KIAA0825: variants seen among roughly 807,000 people sequenced by gnomAD.
KIAA0825 encodes KIAA0825.
In KIAA0825, 119 loss-of-function variants were observed where a neutral mutation model predicts 147.6. The observed-to-expected ratio is 0.81, with a 90% CI of 0.69 to 0.94. The LOEUF (loss-of-function observed/expected upper bound fraction) is 0.94. KIAA0825 is among the 40% of genes least tolerant of loss of function. The pLI is 0.00. For missense variants in KIAA0825, 1,381 were observed against 1,472.7 expected (o/e 0.94, Z 1.02); for synonymous variants, 470 against 518.1 (o/e 0.91, Z 1.26).
intron 13 of KIAA0825, among the ~76,000 whole-genome samples, chr5:94,443,310 T>G (rs1040327733): frequency 2.0e-5 from 3 of 150,836 alleles, no homozygotes; most frequent in Non-Finnish European, 4.4e-5. Context: ...AGATTAGCCT[T>G]ACAAAAAATG....
intron 20 of KIAA0825, 66 bp downstream of exon 20, chr5:94,384,302 C>T: frequency 9.0e-6 from 9 of 994,642 alleles, no homozygotes; most frequent in Admixed American, 2.3e-5. Flanking sequence ...TACGTGTATA[C>T]ACACACACAC....
At chr5:94,363,986 C>T (rs1745441767) in intron 20 of KIAA0825, among the ~76,000 whole-genome samples, 1 of 151,860 alleles carries the variant, frequency 6.6e-6, no homozygotes, top group Non-Finnish European at 1.5e-5. Flanking sequence ...TTTAGACTGA[C>T]AGCCAAAAGC....
chr5:94,455,038 C>T (rs566704742), intron 12 of KIAA0825, among the ~76,000 whole-genome samples: 28 of 152,150 alleles, frequency 1.8e-4, no homozygotes, highest in African/African-American at 6.0e-4. Flanking sequence ...AAGGGGGCTG[C>T]GGACATCCGA....
At chr5:94,208,123 T>C (rs1399615045) in intron 20 of KIAA0825, among the ~76,000 whole-genome samples, 2 of 152,226 alleles carry the variant, frequency 1.3e-5, no homozygotes, top group Non-Finnish European at 2.9e-5. Context: ...ACTGAAGACT[T>C]AGAATATCAA....
intron 15 of KIAA0825, among the ~76,000 whole-genome samples, chr5:94,409,720 A>G (rs181540402): frequency 5.3e-5 from 8 of 152,342 alleles, no homozygotes; most frequent in Non-Finnish European, 8.8e-5. Context: ...ATGTCATTGT[A>G]TATCTGACAT....
In KIAA0825 at chr5:94,455,128, T is replaced by A. The variant is rs189250865; in HGVS notation, c.2247-2059A>T. ...GAGCTGTCTGGTTTGAAGATATCAG[T>A]GTGGAAGTCATCAACATAATGGTAT... On this transcript the variant is annotated intron_variant, in intron 12 of 20. Transcript: ENST00000682413. 2.0e-5 allele frequency among the ~76,000 whole-genome samples: 3 copies of A among 152,216 alleles called. No individual in the cohort carries two copies. The East Asian group carries it at 5.8e-4, about 29-fold the overall frequency.
chr5:94,475,152 A>T (rs1761721156), intron 7 of KIAA0825, among the ~76,000 whole-genome samples: 1 of 152,204 alleles, frequency 6.6e-6, no homozygotes, highest in African/African-American at 2.4e-5. Flanking sequence ...CTTTCTTATA[A>T]GAGAACTTGG....
rs188053113 is a variant in KIAA0825 at position 94,513,844 on chromosome 5, A to G, written c.970+6404T>C. Among the ~76,000 whole-genome samples, 692 of 144,380 alleles carry G rather than the reference A, an allele frequency of 4.8e-3. 8 individuals carry two copies. Among genetic ancestry groups the G allele is most frequent in the African/African-American group, 0.016 (631 of 39,436 alleles). 94.7% of individuals were successfully genotyped at this position (144,380 alleles called of 152,430 possible). A position where few individuals can be genotyped will look rare whatever the true frequency, so the allele number is the denominator to read the frequency against. On this transcript the variant is annotated intron_variant, in intron 5 of 20. Transcript: ENST00000682413. ...TTCCTACCTTTAGTAGAAAGAATTG[A>G]AAAAAAAAAAAGAACTTCCTTAGAA...
intron 20 of KIAA0825, among the ~76,000 whole-genome samples, chr5:94,158,227 C>T (rs1210486236): frequency 3.9e-5 from 6 of 152,098 alleles, no homozygotes; most frequent in Non-Finnish European, 8.8e-5. Flanking sequence ...TATGTACTGT[C>T]AATGACTGAT....
intron 20 of KIAA0825, among the ~76,000 whole-genome samples, chr5:94,189,243 T>C (rs1240490894): frequency 1.3e-5 from 2 of 152,138 alleles, no homozygotes; most frequent in Non-Finnish European, 1.5e-5. Context: ...GTATGTCTTT[T>C]GGAAGAAAAA....
intron 20 of KIAA0825, among the ~76,000 whole-genome samples, chr5:94,222,099 G>T (rs1226667919): frequency 6.6e-6 from 1 of 152,082 alleles, no homozygotes; most frequent in African/African-American, 2.4e-5. Context: ...TTTCAGAGTT[G>T]AAAGGAACCT....
At chr5:94,439,131 G>A (rs1469883490) in intron 14 of KIAA0825, among the ~76,000 whole-genome samples, 2 of 152,100 alleles carry the variant, frequency 1.3e-5, no homozygotes, top group Non-Finnish European at 2.9e-5. Flanking sequence ...AAGAAATAGT[G>A]GGGAAAAGGT....
intron 5 of KIAA0825, among the ~76,000 whole-genome samples, chr5:94,500,541 C>T (rs1268299104): frequency 3.9e-5 from 6 of 151,916 alleles, no homozygotes; most frequent in Non-Finnish European, 8.8e-5. Flanking sequence ...GGAAGAGAAG[C>T]GGGGATCCAG....
intron 20 of KIAA0825, among the ~76,000 whole-genome samples, chr5:94,284,942 T>C (rs968073525): frequency 1.3e-5 from 2 of 152,176 alleles, no homozygotes; most frequent in Non-Finnish European, 2.9e-5. Flanking sequence ...TCTCAATTTC[T>C]GATACAGAAC....
chr5:94,344,933 A>G (rs1782824269), intron 20 of KIAA0825, among the ~76,000 whole-genome samples: 1 of 152,198 alleles, frequency 6.6e-6, no homozygotes, highest in Admixed American at 6.5e-5. Context: ...GGAGTTATTG[A>G]TAATGGGTAC....
chr5:94,262,177 G>A (rs1034535634), intron 20 of KIAA0825, among the ~76,000 whole-genome samples: 4 of 151,780 alleles, frequency 2.6e-5, no homozygotes, highest in African/African-American at 9.7e-5. Context: ...AAAAGAAAAT[G>A]GATTATAAGA....
chr5:94,350,108 C>T (rs1783480210), intron 20 of KIAA0825, among the ~76,000 whole-genome samples: 2 of 152,044 alleles, frequency 1.3e-5, no homozygotes, highest in Non-Finnish European at 2.9e-5. Flanking sequence ...TTACAACTGA[C>T]ACCACTGAAA....
At chr5:94,413,713 T>C (rs1753066518) in intron 15 of KIAA0825, 1 of 152,176 alleles carries the variant, frequency 6.6e-6, no homozygotes, top group African/African-American at 2.4e-5. Context: ...ATCGTTGTGG[T>C]TGTCACACAG....
At chr5:94,450,943 G>C (rs1758319912) in intron 13 of KIAA0825, among the ~76,000 whole-genome samples, 1 of 152,132 alleles carries the variant, frequency 6.6e-6, no homozygotes, top group East Asian at 1.9e-4. Flanking sequence ...AATAGAACAG[G>C]CCTGGGTTCA....
Sources: gnomAD v4.1 joint callset for allele counts (sites outside exome capture counted in the v4.1 genomes callset) on GRCh38, gnomAD v4.1.1 for gene constraint, MANE v1.5 for transcripts, NCBI Gene and HGNC (gene_info 2026-07-23, HGNC 2026-07-21) for gene names.